Variants in FGFR1 observed in about 807,000 individuals in gnomAD.
FGFR1 encodes fibroblast growth factor receptor 1.
Under a neutral mutation model 93.7 loss-of-function variants are expected in FGFR1, and 18 were observed. The observed-to-expected ratio is 0.19, with a 90% confidence interval of 0.13 to 0.28. The LOEUF is 0.28. Ranked by LOEUF, FGFR1 falls within the 10% of genes least tolerant of loss-of-function variation. The pLI, the probability that FGFR1 is intolerant of heterozygous loss-of-function variation, is 1.00. For synonymous variants in FGFR1, 448 were observed against 429.3 expected (o/e 1.04, Z -0.54); for missense variants, 731 against 1,080.4 (o/e 0.68, Z 4.53).
Position 38,419,747 on chromosome 8 carries a change from C to A in FGFR1, c.1082-12G>T, listed in dbSNP as rs748061953. ...CCTCTCTTCCAGGGCTGAGTCAGTG[C>A]GAACAGGGTGTTAGCAGGCTTGGAG... On this transcript the variant is annotated splice_polypyrimidine_tract_variant and intron_variant, in intron 8 of 17. Coordinates refer to ENST00000447712, the MANE Select transcript of FGFR1 (RefSeq NM_023110.3). 1.2e-6 allele frequency: 2 copies of A among 1,613,264 alleles called. No individual in the cohort carries two copies. The highest frequency in any genetic ancestry group is 1.7e-5 in the Admixed American group (1 of 59,972).
intron 15 of FGFR1, 103 bp from the exon 16 acceptor site, chr8:38,414,392 C>G: frequency 1.3e-6 from 2 of 1,582,206 alleles, no homozygotes; most frequent in East Asian, 2.3e-5. Flanking sequence ...GCATGGAGAA[C>G]AGATCAGCCT....
Position 38,428,041 on chromosome 8 carries a change from T to C in FGFR1, c.501A>G (p.Ala167=), listed in dbSNP as rs774584264. ...SPEKMEKKLH[A]VPAAKTVKFK... ...ACTTCACTGTCTTGGCAGCCGGCAC[T>C]GCATGCAATTTCTTTTCCATCTTTT... Residue 167 remains alanine (A), a synonymous_variant, in exon 5 of 18, where the codon GCA becomes GCG. Transcript: ENST00000447712. 6.2e-7 allele frequency: 1 copy of C among 1,614,278 alleles called. No homozygotes were observed. The highest frequency in any genetic ancestry group is 2.2e-5 in the East Asian group (1 of 44,890).
chr8:38,413,882 C>T lies in FGFR1; in HGVS notation c.2292+36G>A, dbSNP rs17176067. 5.5e-4 allele frequency: 884 copies of T among 1,612,800 alleles called. 2 individuals carry two copies. Among genetic ancestry groups the T allele is most frequent in the African/African-American group, 5.4e-3 (402 of 74,986 alleles). ...GGGAGGTGCGTGCACGCAGTGGGGACGGCCTGAGCTCTGGCTCTGGCACGG... is the reference window on the plus strand; with the variant it reads ...GGGAGGTGCGTGCACGCAGTGGGGATGGCCTGAGCTCTGGCTCTGGCACGG... On this transcript the variant is annotated intron_variant, in intron 17 of 17. Transcript: ENST00000447712. The surrounding 1 kb of genome is among the most constrained non-coding windows in gnomAD (Gnocchi z 4.2).
chr8:38,429,285 G>T lies in FGFR1; in HGVS notation c.358+397C>A, dbSNP rs752783453. The T allele has an allele frequency of 3.8e-5, 20 of 526,066 alleles. No homozygotes were observed. Among genetic ancestry groups the T allele is most frequent in the African/African-American group, 3.6e-4 (19 of 52,664 alleles). 32.6% of individuals were successfully genotyped at this position (526,066 alleles called of 1,614,324 possible). ...CAGCAGAGCAGGGATACCACCACCTGTTCAGGGCCTCTAATCACTAAGCCG... is the reference window on the plus strand; with the variant it reads ...CAGCAGAGCAGGGATACCACCACCTTTTCAGGGCCTCTAATCACTAAGCCG... On this transcript the variant is annotated intron_variant, in intron 3 of 17. Coordinates refer to ENST00000447712, the MANE Select transcript of FGFR1 (RefSeq NM_023110.3). The surrounding 1 kb of genome is among the most constrained non-coding windows in gnomAD (Gnocchi z 4.4).
Position 38,430,156 on chromosome 8 carries a change from T to C in FGFR1, c.92-208A>G, listed in dbSNP as rs1386121956. 8 of 586,238 alleles carry C rather than the reference T, an allele frequency of 1.4e-5. No homozygotes were observed. In the Admixed American group the frequency reaches 1.8e-4, roughly 13 times the overall value. 36.3% of individuals were successfully genotyped at this position (586,238 alleles called of 1,614,324 possible). A position where few individuals can be genotyped will look rare whatever the true frequency, so the allele number is the denominator to read the frequency against. On this transcript the variant is annotated intron_variant, in intron 2 of 17. Transcript: ENST00000447712. The stretch of plus-strand genomic sequence containing the variant: ...ACAGCTGGCTGCCTGGGAACCCCCA[T>C]CTCTTTTCCACCCCACTCCTCCAAA...
intron 11 of FGFR1, chr8:38,417,636 TG>T: frequency 1.4e-6 from 1 of 720,044 alleles, no homozygotes; most frequent in South Asian, 1.6e-5. Flanking sequence ...CTGCAAGCGA[TG>T]GATCCAGGAT....
intron 9 of FGFR1, chr8:38,418,595 C>T: frequency 1.7e-6 from 1 of 590,450 alleles, no homozygotes; most frequent in Non-Finnish European, 3.0e-6. Flanking sequence ...CTTCACTCAC[C>T]TTTAAAATAA....
chr8:38,422,317 G>A (rs906220664), intron 7 of FGFR1: 3 of 448,650 alleles, frequency 6.7e-6, no homozygotes, highest in Non-Finnish European at 1.2e-5. Context: ...GATGGCGGGG[G>A]CTGCAGACAC....
chr8:38,450,748 T>C (rs983383991), intron 2 of FGFR1, among the ~76,000 whole-genome samples: 4 of 152,200 alleles, frequency 2.6e-5, no homozygotes, highest in Non-Finnish European at 5.9e-5. Context: ...CCATTTGTTC[T>C]TCCCTGAGAA....
At chr8:38,455,954 C>G (rs1209680278) in intron 2 of FGFR1, among the ~76,000 whole-genome samples, 1 of 152,140 alleles carries the variant, frequency 6.6e-6, no homozygotes, top group Admixed American at 6.5e-5. Flanking sequence ...CACTTTGGGT[C>G]CCCACCGTGC....
rs942945946 is a variant in FGFR1, at chr8:38,423,305, C to T, written c.936+1204G>A. 411 of 591,432 alleles carry T rather than the reference C, an allele frequency of 6.9e-4. 11 individuals are homozygous for T. The South Asian group carries it at 7.3e-3, about 10-fold the overall frequency. 36.6% of individuals were successfully genotyped at this position (591,432 alleles called of 1,614,324 possible). A position where few individuals can be genotyped will look rare whatever the true frequency, so the allele number is the denominator to read the frequency against. Reference sequence around the variant, plus strand: ...TGTTAAGTGAGATTTATTACCTTTCCCTTTTAGTTTTTTTTTTTTTTTTTT... The same window carrying T: ...TGTTAAGTGAGATTTATTACCTTTCTCTTTTAGTTTTTTTTTTTTTTTTTT... On this transcript the variant is annotated intron_variant, in intron 7 of 17. Coordinates refer to ENST00000447712, the MANE Select transcript of FGFR1 (RefSeq NM_023110.3).
intron 2 of FGFR1, chr8:38,430,654 A>C (rs1294276956): frequency 7.2e-5 from 11 of 152,276 alleles, no homozygotes; most frequent in Admixed American, 7.2e-4. Flanking sequence ...CAGCTGCCAT[A>C]AAACCCACAC....
rs17176095 is a variant in FGFR1, at chr8:38,412,339, C to A, written c.*1289G>T. The A allele has an allele frequency of 1.3e-5, 3 of 230,768 alleles. No individual in the cohort carries two copies. Among genetic ancestry groups the A allele is most frequent in the Non-Finnish European group, 2.6e-5 (3 of 116,576 alleles). The allele number at this position is 230,768 out of a possible 1,614,324, so 14.3% of individuals were successfully genotyped here. A position where few individuals can be genotyped will look rare whatever the true frequency, so the allele number is the denominator to read the frequency against. On this transcript the variant is annotated 3_prime_UTR_variant, in exon 18 of 18. Transcript: ENST00000447712. ...TGCTGGGATTACAGGCGTGAGCAAC[C>A]GCGCCCTTGCTTTCCTCTTAATCAC...
chr8:38,422,141 C>G (rs1158686140), intron 7 of FGFR1, 200 bp from the exon 8 acceptor site: 1 of 622,008 alleles, frequency 1.6e-6, no homozygotes, highest in Admixed American at 2.5e-5. Flanking sequence ...GAGGGAAGAA[C>G]TCCGGCAGAC....
rs548956176 is a variant in FGFR1 at position 38,426,972 on chromosome 8, G to A, written c.622-727C>T. Among the ~76,000 whole-genome samples, 81 of 152,108 alleles carry A rather than the reference G, an allele frequency of 5.3e-4. No individual in the cohort carries two copies. Among genetic ancestry groups the A allele is most frequent in the Non-Finnish European group, 9.9e-4 (67 of 67,992 alleles). ...TACTAAAAATACAAAAATTAGCTGG[G>A]AATGGTGGCTGCACATCCCAGGTAC... On this transcript the variant is annotated intron_variant, in intron 5 of 17. Coordinates refer to ENST00000447712, the MANE Select transcript of FGFR1 (RefSeq NM_023110.3). This position sits in a 1 kb window ranked among gnomAD's most constrained non-coding sequence, Gnocchi z 4.1.
intron 2 of FGFR1, among the ~76,000 whole-genome samples, chr8:38,447,782 G>A (rs1829821863): frequency 6.6e-6 from 1 of 152,114 alleles, no homozygotes; most frequent in African/African-American, 2.4e-5. Flanking sequence ...CACCCGGCTG[G>A]TATTTATTAT....
intron 2 of FGFR1, among the ~76,000 whole-genome samples, chr8:38,442,719 T>C (rs571905074): frequency 5.9e-5 from 9 of 152,194 alleles, no homozygotes; most frequent in African/African-American, 2.2e-4. Flanking sequence ...AGAAATTGTA[T>C]GGGGAAGGAA....
At chr8:38,437,780 C>T (rs548567239) in intron 2 of FGFR1, among the ~76,000 whole-genome samples, 7 of 152,260 alleles carry the variant, frequency 4.6e-5, no homozygotes, top group Non-Finnish European at 2.9e-5. Context: ...AGGGAACACA[C>T]CTCTCTGCAG....
intron 2 of FGFR1, among the ~76,000 whole-genome samples, chr8:38,444,905 A>C (rs996462943): frequency 3.9e-5 from 6 of 152,176 alleles, no homozygotes; most frequent in African/African-American, 1.4e-4. Flanking sequence ...TCCCAAACTC[A>C]GCTTGAGCCA....
Sources: allele counts gnomAD v4.1 joint callset (sites outside exome capture counted in the v4.1 genomes callset), GRCh38; gene constraint gnomAD v4.1.1; non-coding constraint Gnocchi (gnomAD v3.1); transcripts MANE v1.5; gene names NCBI Gene and HGNC (gene_info 2026-07-23, HGNC 2026-07-21).